Variants in ADGRL3 observed in about 807,000 individuals in gnomAD.
The protein encoded by ADGRL3 is adhesion G protein-coupled receptor L3.
In ADGRL3, 62 loss-of-function variants were observed where a neutral mutation model predicts 153.5. The ratio of observed to expected loss-of-function variants is 0.40; its 90% confidence interval spans 0.33 to 0.50. ADGRL3 has a LOEUF of 0.50. ADGRL3 is among the 20% of genes least tolerant of loss of function. ADGRL3 has a pLI of 0.47. For missense variants in ADGRL3, 1,641 were observed against 1,859.4 expected (o/e 0.88, Z 2.16); for synonymous variants, 710 against 672.5 (o/e 1.06, Z -0.86).
At chr4:61,568,459 T>C (rs2098825397) in intron 4 of ADGRL3, among the ~76,000 whole-genome samples, 1 of 152,218 alleles carries the variant, frequency 6.6e-6, no homozygotes, top group East Asian at 1.9e-4. Context: ...CCCACTATGG[T>C]ACAGAAACTA....
intron 1 of ADGRL3, among the ~76,000 whole-genome samples, chr4:61,254,726 A>G (rs1298872467): frequency 6.6e-6 from 1 of 152,200 alleles, no homozygotes; most frequent in Non-Finnish European, 1.5e-5. Context: ...GTTCCCGAAC[A>G]AATTTTTATC....
intron 22 of ADGRL3, among the ~76,000 whole-genome samples, chr4:62,031,174 T>C (rs1162153842): frequency 1.3e-5 from 2 of 151,650 alleles, no homozygotes; most frequent in Non-Finnish European, 3.0e-5. Context: ...GCATATGTGC[T>C]GCAAATACAT....
intron 1 of ADGRL3, among the ~76,000 whole-genome samples, chr4:61,243,999 T>C (rs1023652123): frequency 6.6e-6 from 1 of 152,172 alleles, no homozygotes; most frequent in East Asian, 1.9e-4. Context: ...GTATTGGCAA[T>C]TGTAAATAAA....
chr4:61,938,427 ATTATGTAGCTC>A (rs2098848544), intron 15 of ADGRL3, among the ~76,000 whole-genome samples: 2 of 152,198 alleles, frequency 1.3e-5, no homozygotes, highest in African/African-American at 2.4e-5. Context: ...GCTCTCTTCC[ATTATGTAGCTC>A]TCATCATAAT....
At chr4:61,332,895 C>A (rs1578306373) in intron 1 of ADGRL3, among the ~76,000 whole-genome samples, 2 of 152,026 alleles carry the variant, frequency 1.3e-5, no homozygotes, top group Admixed American at 1.3e-4. Context: ...GGGTTGCTGG[C>A]ATGGTGAAGG....
chr4:61,639,548 A>G (rs553718758), intron 5 of ADGRL3, among the ~76,000 whole-genome samples: 2 of 152,282 alleles, frequency 1.3e-5, no homozygotes, highest in East Asian at 3.9e-4. Context: ...GTGACTATAA[A>G]TTAAAATCTC....
chr4:61,467,246 A>G (rs1030973721), intron 2 of ADGRL3, among the ~76,000 whole-genome samples: 2 of 152,130 alleles, frequency 1.3e-5, no homozygotes, highest in South Asian at 2.1e-4. Context: ...TTTTGTTTCA[A>G]TCTCTTTTGA....
rs2097648199 is a variant in ADGRL3 at position 61,449,458 on chromosome 4, G to A, written c.-173-47663G>A. Among the ~76,000 whole-genome samples the A allele has an allele frequency of 4.0e-5, 6 of 151,426 alleles. No individual in the cohort carries two copies. The South Asian group carries it at 1.3e-3, about 32-fold the overall frequency. On this transcript the variant is annotated intron_variant, in intron 2 of 26. Transcript: ENST00000683033. ...CCTATTTTTTCCATTTTTTTTTTAA[G>A]TGAAATACTATTTGGATAAAAAAGA... is the stretch of plus-strand genomic sequence containing the variant.
chr4:61,556,673 G>A (rs2098768698), intron 4 of ADGRL3, among the ~76,000 whole-genome samples: 1 of 152,086 alleles, frequency 6.6e-6, no homozygotes, highest in African/African-American at 2.4e-5. Context: ...TTGCTTACTG[G>A]GCCAGAAGAT....
chr4:61,516,521 T>C (rs1472077500), intron 3 of ADGRL3, among the ~76,000 whole-genome samples: 1 of 152,134 alleles, frequency 6.6e-6, no homozygotes, highest in Non-Finnish European at 1.5e-5. Context: ...AAAAATCCTA[T>C]ATTTAAATAT....
chr4:62,007,204 T>G (rs146494958), intron 21 of ADGRL3, among the ~76,000 whole-genome samples: 261 of 150,820 alleles, frequency 1.7e-3, no homozygotes, highest in African/African-American at 6.0e-3. Flanking sequence ...ATGTAAAATA[T>G]TCCTCAGAAG....
At chr4:61,441,100 A>G (rs1275350790) in intron 2 of ADGRL3, among the ~76,000 whole-genome samples, 2 of 151,988 alleles carry the variant, frequency 1.3e-5, no homozygotes. Context: ...ATCAATTTTA[A>G]TCTCCTCTTA....
intron 9 of ADGRL3, among the ~76,000 whole-genome samples, chr4:61,860,516 T>G (rs17292058): frequency 0.72 from 108,776 of 151,458 alleles, 40,138 homozygotes; most frequent in Non-Finnish European, 0.83. Context: ...TCTGGATCGG[T>G]GTGGAGTAGA....
intron 1 of ADGRL3, among the ~76,000 whole-genome samples, chr4:61,279,887 C>T (rs957019459): frequency 7.9e-5 from 12 of 151,970 alleles, no homozygotes; most frequent in East Asian, 1.9e-4. Flanking sequence ...AAAGTTTCCC[C>T]GTCTGCAAAA....
At chr4:61,972,836 A>C (rs1581697192) in intron 17 of ADGRL3, among the ~76,000 whole-genome samples, 1 of 151,980 alleles carries the variant, frequency 6.6e-6, no homozygotes. Context: ...GCAATTTTAA[A>C]CTCATATTAT....
At chr4:61,798,329 C>T (rs184719122) in intron 8 of ADGRL3, among the ~76,000 whole-genome samples, 4 of 152,192 alleles carry the variant, frequency 2.6e-5, no homozygotes, top group Non-Finnish European at 5.9e-5. Context: ...GAGCACATGG[C>T]AGGTACACAC....
intron 9 of ADGRL3, among the ~76,000 whole-genome samples, chr4:61,882,745 C>T (rs1439847280): frequency 2.0e-5 from 3 of 152,134 alleles, no homozygotes; most frequent in African/African-American, 7.2e-5. Context: ...TATTTAACTC[C>T]CTCACTTTGC....
At chr4:61,813,198 G>A (rs2148615730) in intron 8 of ADGRL3, among the ~76,000 whole-genome samples, 1 of 152,180 alleles carries the variant, frequency 6.6e-6, no homozygotes, top group East Asian at 1.9e-4. Context: ...TTCAAGACCA[G>A]CCTGGCCAAC....
rs117248145 is a variant in ADGRL3, at chr4:61,384,092, G to A, written c.-174+903G>A. Among the ~76,000 whole-genome samples the A allele has an allele frequency of 9.2e-4, 139 of 151,786 alleles. 1 individual carries two copies. In the East Asian group the frequency reaches 0.02, roughly 22 times the overall value. ...GCTATCATCTATTTTCAAATATTCC[G>A]TACTTTTTTCTGAGCTTTAGGAGTA... On this transcript the variant is annotated intron_variant, in intron 2 of 26. Coordinates refer to ENST00000683033, the MANE Select transcript of ADGRL3 (RefSeq NM_001387552.1).
Sources: gnomAD v4.1 joint callset for allele counts (sites outside exome capture counted in the v4.1 genomes callset) on GRCh38, gnomAD v4.1.1 for gene constraint, MANE v1.5 for transcripts, NCBI Gene and HGNC (gene_info 2026-07-23, HGNC 2026-07-21) for gene names.